Variants in LTBP1 observed in about 807,000 individuals in gnomAD.
The protein encoded by LTBP1 is latent-transforming growth factor beta-binding protein 1.
In LTBP1, 129 loss-of-function variants were observed where a neutral mutation model predicts 207.6. That is an observed-to-expected ratio of 0.62 (90% CI 0.54 to 0.72). The LOEUF (loss-of-function observed/expected upper bound fraction) is 0.72, where lower values mean the gene tolerates loss of function less well. Ranked by LOEUF, LTBP1 falls within the 30% of genes least tolerant of loss-of-function variation. LTBP1 has a pLI of 0.00. For synonymous variants in LTBP1, 963 were observed against 833.7 expected, an observed-to-expected ratio of 1.16 and a Z score of -2.67; for missense variants, 2,281 against 2,217.2, an observed-to-expected ratio of 1.03 and a Z score of -0.58.
At chr2:33,033,828 T>C (rs2075795675) in intron 3 of LTBP1, among the ~76,000 whole-genome samples, 1 of 152,170 alleles carries the variant, frequency 6.6e-6, no homozygotes, top group Admixed American at 6.5e-5. Flanking sequence ...CAGACAAAAC[T>C]TGAAAAAACT....
At chr2:33,095,188 C>G (rs1170104196) in intron 3 of LTBP1, among the ~76,000 whole-genome samples, 2 of 152,040 alleles carry the variant, frequency 1.3e-5, no homozygotes, top group Admixed American at 1.3e-4. Flanking sequence ...TCTTATCAGA[C>G]TAATGGCACT....
chr2:33,290,471 T>C (rs75486357), intron 19 of LTBP1, among the ~76,000 whole-genome samples: 5,044 of 152,298 alleles, frequency 0.033, 252 homozygotes, highest in East Asian at 0.18. Context: ...TGGAAGGTTT[T>C]TAAAGTAGAG....
intron 3 of LTBP1, among the ~76,000 whole-genome samples, chr2:33,050,931 G>T (rs992415844): frequency 2.0e-5 from 3 of 151,866 alleles, no homozygotes; most frequent in East Asian, 3.9e-4. Context: ...ACAGGGTTTC[G>T]CCAGACTGGT....
intron 19 of LTBP1, 132 bp downstream of exon 19, chr2:33,280,290 T>A (rs1009086141): frequency 6.7e-6 from 6 of 899,714 alleles, no homozygotes; most frequent in Non-Finnish European, 9.3e-6. Context: ...TAAGAAAAGT[T>A]CCCAGTAACT....
chr2:33,397,412 C>A, intron 33 of LTBP1, 130 bp downstream of exon 33: 1 of 832,892 alleles, frequency 1.2e-6, no homozygotes, highest in Admixed American at 2.4e-5. Flanking sequence ...TGGAGATGTA[C>A]ATTAAGTACA....
At chr2:33,292,578 A>G (rs1201368217) in intron 19 of LTBP1, among the ~76,000 whole-genome samples, 1 of 152,232 alleles carries the variant, frequency 6.6e-6, no homozygotes, top group African/African-American at 2.4e-5. Context: ...TATTATTATT[A>G]TCTACCTCTT....
intron 4 of LTBP1, among the ~76,000 whole-genome samples, chr2:33,130,114 T>G (rs188596001): frequency 1.0e-3 from 152 of 152,336 alleles, no homozygotes; most frequent in South Asian, 2.3e-3. Flanking sequence ...TTTAATATTT[T>G]TATGATTTGT....
chr2:33,287,650 T>A (rs911968278), intron 19 of LTBP1, among the ~76,000 whole-genome samples: 1 of 152,170 alleles, frequency 6.6e-6, no homozygotes, highest in Non-Finnish European at 1.5e-5. Context: ...GTGATTGGAT[T>A]TTTCTGAGAT....
chr2:33,016,613 A>G (rs1338225445), intron 2 of LTBP1, among the ~76,000 whole-genome samples: 1 of 152,136 alleles, frequency 6.6e-6, no homozygotes, highest in Non-Finnish European at 1.5e-5. Flanking sequence ...CAATCCACTG[A>G]TAAGATCTTG....
chr2:33,113,330 G>T (rs1204538911), intron 4 of LTBP1, among the ~76,000 whole-genome samples: 4 of 152,188 alleles, frequency 2.6e-5, no homozygotes, highest in Non-Finnish European at 5.9e-5. Flanking sequence ...AAGCCCAAGG[G>T]AATAAGGATT....
chr2:33,315,418 G>C lies in LTBP1; in HGVS notation c.3730+149G>C, dbSNP rs996804675. 3.0e-6 allele frequency: 3 copies of C among 990,680 alleles called. No individual in the cohort carries two copies. In the East Asian group the frequency reaches 7.8e-5, roughly 26 times the overall value. The allele number at this position is 990,680 out of a possible 1,614,324, so 61.4% of individuals were successfully genotyped here. ...GCATCAAAGTAAACCATATCTGAAA[G>C]CATAGCTCAGGGGTTGCTGGGATTT... On this transcript the variant is annotated intron_variant, in intron 24 of 33. Transcript: ENST00000404816.
intron 11 of LTBP1, among the ~76,000 whole-genome samples, chr2:33,256,756 A>C (rs1306197731): frequency 2.6e-5 from 2 of 78,032 alleles, no homozygotes; most frequent in Admixed American, 3.0e-4. Context: ...ATATATATAT[A>C]TATATATATA....
chr2:32,970,972 A>G (rs1249375110), intron 2 of LTBP1, among the ~76,000 whole-genome samples: 1 of 145,024 alleles, frequency 6.9e-6, no homozygotes, highest in African/African-American at 2.6e-5. Context: ...GAGATCTTTT[A>G]TCTCCCTGGT....
chr2:33,041,741 C>A (rs2076195989), intron 3 of LTBP1, among the ~76,000 whole-genome samples: 1 of 152,152 alleles, frequency 6.6e-6, no homozygotes, highest in South Asian at 2.1e-4. Context: ...AGGATAGTCA[C>A]CCTTAAATAA....
chr2:33,221,832 C>A (rs1468012454), intron 8 of LTBP1, among the ~76,000 whole-genome samples: 1 of 152,070 alleles, frequency 6.6e-6, no homozygotes, highest in African/African-American at 2.4e-5. Flanking sequence ...GTACAACAAT[C>A]TTAGGATTGT....
intron 18 of LTBP1, among the ~76,000 whole-genome samples, chr2:33,276,229 G>A (rs987787566): frequency 2.0e-5 from 3 of 152,128 alleles, no homozygotes; most frequent in Admixed American, 6.5e-5. Flanking sequence ...TACAGAGTCC[G>A]GACCATTCAT....
chr2:33,299,311 T>A (rs760877656), intron 20 of LTBP1, among the ~76,000 whole-genome samples: 1 of 151,810 alleles, frequency 6.6e-6, no homozygotes, highest in Non-Finnish European at 1.5e-5. Flanking sequence ...GTGAAAGGCC[T>A]ATACAGTTAA....
intron 5 of LTBP1, among the ~76,000 whole-genome samples, chr2:33,138,758 A>G (rs910618149): frequency 3.3e-5 from 5 of 151,638 alleles, no homozygotes; most frequent in Admixed American, 3.3e-4. Flanking sequence ...AAAATAACAC[A>G]TTTGGTTTAT....
Position 32,948,940 on chromosome 2 carries a change from C to G in LTBP1, c.560C>G (p.Thr187Ser). Residue 187 changes from threonine (T) to serine (S), a missense_variant, in exon 2 of 34, where the codon ACC (threonine) becomes AGC (serine). Transcript: ENST00000404816. ...WSKAPGSQRCTKPSCVPPCQN... is the reference protein window; with the variant it reads ...WSKAPGSQRCSKPSCVPPCQN... The stretch of plus-strand genomic sequence containing the variant: ...AAGGCCCCTGGCTCCCAGAGGTGCA[C>G]CAAACGTAAGTTGCCATGTTCACAG... 6.2e-7 allele frequency: 1 copy of G among 1,614,010 alleles called. No individual in the cohort carries two copies. Among genetic ancestry groups the G allele is most frequent in the African/African-American group, 1.3e-5 (1 of 74,964 alleles).
Sources: allele counts gnomAD v4.1 joint callset (sites outside exome capture counted in the v4.1 genomes callset), GRCh38; gene constraint gnomAD v4.1.1; transcripts MANE v1.5; gene names NCBI Gene and HGNC (gene_info 2026-07-23, HGNC 2026-07-21).